The following LTBP1 variants were observed in gnomAD, a reference collection of about 807,000 sequenced individuals.
LTBP1 encodes latent transforming growth factor beta binding protein 1, also known as latent-transforming growth factor beta-binding protein 1.
LTBP1 carries 129 observed loss-of-function variants against 207.6 expected under a neutral mutation model. The observed-to-expected ratio is 0.62, with a 90% CI of 0.54 to 0.72. The LOEUF is 0.72. LTBP1 is among the 30% of genes least tolerant of loss of function. The pLI, the probability that LTBP1 is intolerant of heterozygous loss-of-function variation, is 0.00. For synonymous variants in LTBP1, 963 were observed against 833.7 expected (o/e 1.16, Z -2.67); for missense variants, 2,281 against 2,217.2 (o/e 1.03, Z -0.58).
intron 19 of LTBP1, among the ~76,000 whole-genome samples, chr2:33,285,103 G>A (rs911259636): frequency 2.0e-5 from 3 of 147,020 alleles, no homozygotes; most frequent in Admixed American, 6.9e-5. Flanking sequence ...GTGCAATGGC[G>A]TGATCTCGGC....
intron 2 of LTBP1, among the ~76,000 whole-genome samples, chr2:32,978,248 C>T (rs890742174): frequency 7.2e-5 from 11 of 152,152 alleles, no homozygotes; most frequent in African/African-American, 2.7e-4. Flanking sequence ...ACTCCCAGTA[C>T]TATGTTAAAT....
chr2:33,160,384 A>C (rs186286894), intron 5 of LTBP1, among the ~76,000 whole-genome samples: 1 of 152,148 alleles, frequency 6.6e-6, no homozygotes, highest in Admixed American at 6.5e-5. Flanking sequence ...CAGGTCATTC[A>C]TGTGGTTAGA....
chr2:32,988,579 A>T (rs908833397), intron 2 of LTBP1, among the ~76,000 whole-genome samples: 1 of 152,264 alleles, frequency 6.6e-6, no homozygotes, highest in Non-Finnish European at 1.5e-5. Context: ...TTTAAGTTTT[A>T]GAAGAACAAT....
rs144177640 is a variant in LTBP1, at chr2:32,953,603, A to G, written c.565+4658A>G. 3.0e-3 allele frequency among the ~76,000 whole-genome samples: 463 copies of G among 152,328 alleles called. 5 individuals are homozygous for G. The highest frequency in any genetic ancestry group is 0.01 in the African/African-American group (427 of 41,572). On this transcript the variant is annotated intron_variant, in intron 2 of 33. Coordinates refer to ENST00000404816, the MANE Select transcript of LTBP1 (RefSeq NM_206943.4). ...CATTTAGGAACCATAACACTGTAAT[A>G]GTGCTTAAACCTTCATGATGAAGCC...
chr2:33,235,954 A>G (rs1173656454), intron 9 of LTBP1, among the ~76,000 whole-genome samples: 2 of 152,210 alleles, frequency 1.3e-5, no homozygotes, highest in Non-Finnish European at 2.9e-5. Context: ...CCTAACGTAG[A>G]TGGCGGGTTG....
chr2:32,979,145 TTTTCA>T (rs1335602044), intron 2 of LTBP1, among the ~76,000 whole-genome samples: 1 of 151,650 alleles, frequency 6.6e-6, no homozygotes, highest in Non-Finnish European at 1.5e-5. Context: ...AGAAACCAAC[TTTTCA>T]TTTCATTGAT....
chr2:33,360,052 A>G (rs1335637540), intron 26 of LTBP1, among the ~76,000 whole-genome samples: 1 of 152,192 alleles, frequency 6.6e-6, no homozygotes, highest in African/African-American at 2.4e-5. Flanking sequence ...ATTTGCAACA[A>G]TTTAAGTAGT....
chr2:33,304,680 C>A (rs1037753327), intron 22 of LTBP1, among the ~76,000 whole-genome samples: 1 of 152,204 alleles, frequency 6.6e-6, no homozygotes, highest in African/African-American at 2.4e-5. Flanking sequence ...AGTCTTTAAT[C>A]TCGTGTCTAC....
At chr2:32,970,639 A>G (rs550852707) in intron 2 of LTBP1, among the ~76,000 whole-genome samples, 1 of 152,248 alleles carries the variant, frequency 6.6e-6, no homozygotes, top group South Asian at 2.1e-4. Flanking sequence ...TAAAAGTACC[A>G]TGCTATTTTG....
chr2:32,958,795 T>C (rs1678514362), intron 2 of LTBP1, among the ~76,000 whole-genome samples: 1 of 152,234 alleles, frequency 6.6e-6, no homozygotes. Context: ...CAGACACTGC[T>C]GATTGTGACA....
At chr2:33,238,365 A>G (rs560511450) in intron 9 of LTBP1, among the ~76,000 whole-genome samples, 1 of 152,302 alleles carries the variant, frequency 6.6e-6, no homozygotes, top group South Asian at 2.1e-4. Context: ...AAACATACAT[A>G]CTTTCCTGTA....
At chr2:33,230,589 G>C (rs2091729683) in intron 9 of LTBP1, among the ~76,000 whole-genome samples, 1 of 152,118 alleles carries the variant, frequency 6.6e-6, no homozygotes, top group Non-Finnish European at 1.5e-5. Flanking sequence ...TGTAGAACTA[G>C]AATTAAATGA....
chr2:32,987,762 A>AT (rs1481278086), intron 2 of LTBP1, among the ~76,000 whole-genome samples: 1 of 152,192 alleles, frequency 6.6e-6, no homozygotes, highest in Non-Finnish European at 1.5e-5. Flanking sequence ...ACATCCATGC[A>AT]TTACATACTC....
chr2:33,157,382 C>A (rs1162673089), intron 5 of LTBP1, among the ~76,000 whole-genome samples: 1 of 152,190 alleles, frequency 6.6e-6, no homozygotes, highest in Admixed American at 6.5e-5. Flanking sequence ...ACCAAAGGAT[C>A]CTGCGTGCAG....
chr2:33,252,746 T>C lies in LTBP1; in HGVS notation c.2069T>C (p.Met690Thr), dbSNP rs1200168719. ...YRLVSSGRQC[M>T]HPLSVHLTKQ... ...CTTGTCAGTTCTGGAAGACAGTGTA[T>C]GCACCCTCTGTCTGTTCACCTCACC... The change falls in exon 11 of 34, where the codon ATG becomes ACG. Residue 690 changes from methionine to threonine, a missense_variant. Physicochemically the swap from Met to Thr is moderately conservative, Grantham distance 81 (BLOSUM62 -1). This residue lies in a region of LTBP1 where 1,671 missense variants were observed against 1,634.8 expected (regional missense o/e 1.02). Transcript: ENST00000404816. The C allele has an allele frequency of 1.2e-6, 2 of 1,614,008 alleles. No individual in the cohort carries two copies. Among genetic ancestry groups the C allele is most frequent in the Admixed American group, 3.3e-5 (2 of 60,004 alleles).
At chr2:33,163,741 A>T (rs2084665084) in intron 5 of LTBP1, among the ~76,000 whole-genome samples, 1 of 152,212 alleles carries the variant, frequency 6.6e-6, no homozygotes, top group African/African-American at 2.4e-5. Context: ...ACTTTCAAAT[A>T]AAACATATAA....
chr2:32,947,424 C>T lies in LTBP1; in HGVS notation c.100C>T (p.Pro34Ser), dbSNP rs1676341328. 4 of 1,439,804 alleles carry T rather than the reference C, an allele frequency of 2.8e-6. No individual in the cohort carries two copies. Among genetic ancestry groups the T allele is most frequent in the African/African-American group, 1.5e-5 (1 of 67,422 alleles). The allele number at this position is 1,439,804 out of a possible 1,614,324, so 89.2% of individuals were successfully genotyped here. Residue 34 changes from proline (P) to serine (S), a missense_variant, in exon 1 of 34, where the codon CCG (proline) becomes TCG (serine). Pro to Ser is a moderately conservative substitution (Grantham distance 74, BLOSUM62 -1). Transcript: ENST00000404816. ...RLRRITYVVH[P>S]GPGLAAGALP... ...GCGGAGGATCACCTACGTGGTGCACCCGGGCCCCGGCCTGGCAGCCGGCGC... is the reference window on the plus strand; with the variant it reads ...GCGGAGGATCACCTACGTGGTGCACTCGGGCCCCGGCCTGGCAGCCGGCGC...
chr2:32,966,258 A>T (rs72867804), intron 2 of LTBP1, among the ~76,000 whole-genome samples: 11,304 of 152,126 alleles, frequency 0.074, 565 homozygotes, highest in African/African-American at 0.14. Flanking sequence ...GTCTCTTGAA[A>T]ATATTTTCTT....
At chr2:33,173,782 C>CAGCA (rs1282078752) in intron 5 of LTBP1, among the ~76,000 whole-genome samples, 15 of 140,388 alleles carry the variant, frequency 1.1e-4, no homozygotes, top group Non-Finnish European at 1.6e-5. Flanking sequence ...CCGAATCCAG[C>CAGCA]AGCACATCCA....
Sources: allele counts gnomAD v4.1 joint callset (sites outside exome capture counted in the v4.1 genomes callset), GRCh38; gene constraint gnomAD v4.1.1; regional missense constraint gnomAD v4.1.1; transcripts MANE v1.5; gene names NCBI Gene and HGNC (gene_info 2026-07-23, HGNC 2026-07-21).